The following CACNA1E variants were observed in gnomAD, a reference collection of about 807,000 sequenced individuals.
CACNA1E encodes the protein voltage-dependent R-type calcium channel subunit alpha-1E.
A neutral mutation model predicts 259.2 loss-of-function variants in CACNA1E; 40 were observed. The ratio of observed to expected loss-of-function variants is 0.15; its 90% CI spans 0.12 to 0.20. CACNA1E has a LOEUF of 0.20. Among genes scored for constraint, CACNA1E ranks in the 10% least tolerant of loss-of-function variants. The probability of loss-of-function intolerance (pLI) is 1.00; values close to 1 mark genes in which losing one functional copy is unlikely to be tolerated. For synonymous variants in CACNA1E, 1,104 were observed against 1,138.5 expected (o/e 0.97, Z 0.61); for missense variants, 1,874 against 3,040.1 (o/e 0.62, Z 9.02).
intron 2 of CACNA1E, among the ~76,000 whole-genome samples, chr1:181,475,254 C>G (rs1662767272): frequency 6.6e-6 from 1 of 152,238 alleles, no homozygotes; most frequent in South Asian, 2.1e-4. Flanking sequence ...ATGTCCTCTA[C>G]TCCTGAGAAG....
In CACNA1E at chr1:181,345,195, G is replaced by A. The variant is rs562866897; in HGVS notation, c.-15+27072G>A. 2.0e-5 allele frequency among the ~76,000 whole-genome samples: 3 copies of A among 152,374 alleles called. No homozygotes were observed. In the East Asian group the frequency reaches 5.8e-4, roughly 29 times the overall value. ...CTGCTCCTTGGAAGGCAAAGCCAGG[G>A]AGAAGCAGCTTTGCAGGGTGAGCCG... On this transcript the variant is annotated intron_variant, in intron 1 of 11. Coordinates refer to the CACNA1E transcript ENST00000524607.
At chr1:181,426,510 T>A (rs78159525) in intron 2 of CACNA1E, among the ~76,000 whole-genome samples, 1 of 128,854 alleles carries the variant, frequency 7.8e-6, no homozygotes, top group Non-Finnish European at 1.6e-5. Flanking sequence ...AACCCCTTCC[T>A]GTCTCAACCC....
rs1365950190 is a variant in CACNA1E, at chr1:181,727,068, C to T, written c.2240+906C>T. 2.6e-5 allele frequency among the ~76,000 whole-genome samples: 4 copies of T among 152,174 alleles called. No individual in the cohort carries two copies. The South Asian group carries it at 6.2e-4, about 24-fold the overall frequency. ...GAAATCTAAAGTTCATTTTGAGATACTTCTAAGGCATCCAAGTATTGAACT... is the reference window on the plus strand; with the variant it reads ...GAAATCTAAAGTTCATTTTGAGATATTTCTAAGGCATCCAAGTATTGAACT... On this transcript the variant is annotated intron_variant, in intron 18 of 47. Transcript: ENST00000367573.
intron 7 of CACNA1E, among the ~76,000 whole-genome samples, chr1:181,705,487 C>T (rs1032172491): frequency 1.6e-4 from 25 of 152,342 alleles, no homozygotes; most frequent in African/African-American, 5.8e-4. Flanking sequence ...TCTTAGTTTC[C>T]ATGACTGAAA....
At chr1:181,336,869 T>C (rs1194672975) in intron 1 of CACNA1E, among the ~76,000 whole-genome samples, 1 of 151,928 alleles carries the variant, frequency 6.6e-6, no homozygotes, top group Non-Finnish European at 1.5e-5. Flanking sequence ...AATGTCTTTT[T>C]TTCTTAAAGT....
At chr1:181,598,481 A>G (rs1471168496) in intron 6 of CACNA1E, among the ~76,000 whole-genome samples, 1 of 152,128 alleles carries the variant, frequency 6.6e-6, no homozygotes, top group Non-Finnish European at 1.5e-5. Context: ...TGGTGGAGGT[A>G]TGACATTTGT....
chr1:181,670,908 T>C (rs1648726028), intron 7 of CACNA1E, among the ~76,000 whole-genome samples: 1 of 152,244 alleles, frequency 6.6e-6, no homozygotes, highest in African/African-American at 2.4e-5. Flanking sequence ...GAGCAATTAA[T>C]ACCTTAGTGA....
chr1:181,325,337 G>A (rs577327903), intron 1 of CACNA1E, among the ~76,000 whole-genome samples: 34 of 152,244 alleles, frequency 2.2e-4, no homozygotes, highest in African/African-American at 5.8e-4. Flanking sequence ...CAGACCTCAC[G>A]GCCCTTCCCC....
chr1:181,532,857 CT>C (rs1222328454), intron 3 of CACNA1E, among the ~76,000 whole-genome samples: 2 of 152,192 alleles, frequency 1.3e-5, no homozygotes, highest in Admixed American at 1.3e-4. Context: ...TGTCTATCTC[CT>C]TTACTGGAGA....
chr1:181,627,875 A>C (rs1656344737), intron 6 of CACNA1E, among the ~76,000 whole-genome samples: 1 of 152,086 alleles, frequency 6.6e-6, no homozygotes, highest in Admixed American at 6.5e-5. Context: ...ACCCCATGTT[A>C]TTGGCATTTA....
chr1:181,535,976 C>T (rs1668142443), intron 3 of CACNA1E, among the ~76,000 whole-genome samples: 1 of 152,182 alleles, frequency 6.6e-6, no homozygotes, highest in Admixed American at 6.5e-5. Context: ...CATGAGCCAC[C>T]ATGCCTGGCC....
rs1292362458 is a variant in CACNA1E at position 181,806,370 on chromosome 1, T to C, written c.*7536T>C. 8 of 152,280 alleles carry C rather than the reference T, an allele frequency of 5.3e-5. No individual in the cohort carries two copies. The highest frequency in any genetic ancestry group is 1.5e-5 in the Non-Finnish European group (1 of 68,082). 9.4% of individuals were successfully genotyped at this position (152,280 alleles called of 1,614,324 possible). On this transcript the variant is annotated 3_prime_UTR_variant, in exon 48 of 48. Transcript: ENST00000367573. ...CACACCCTCTGTCCTTCGGGGCCCA[T>C]GGTCAGGCCATTCCCTCTTTGTTTT...
At chr1:181,720,913 G>C in intron 15 of CACNA1E, 58 bp downstream of exon 15, 1 of 1,054,900 alleles carries the variant, frequency 9.5e-7, no homozygotes, top group Non-Finnish European at 1.5e-6. Context: ...ACTGCACACT[G>C]CAAGACAAGG....
At chr1:181,438,219 C>G (rs2609472) in intron 2 of CACNA1E, among the ~76,000 whole-genome samples, 11,577 of 152,272 alleles carry the variant, frequency 0.076, 781 homozygotes, top group African/African-American at 0.18. Flanking sequence ...TGCACGGCCA[C>G]TTCCACCCAC....
rs74127772 is a variant in CACNA1E, at chr1:181,383,377, A to T, written c.-14-29756A>T. 2.8e-3 allele frequency among the ~76,000 whole-genome samples: 424 copies of T among 152,358 alleles called. 2 individuals are homozygous for T. The highest frequency in any genetic ancestry group is 9.9e-3 in the African/African-American group (412 of 41,586). The stretch of plus-strand genomic sequence containing the variant: ...ACAGAAAAATTAGAAGGGAGCTAAG[A>T]TTCCCTGGTGAATGCTGATTCATTT... On this transcript the variant is annotated intron_variant, in intron 1 of 11. Coordinates refer to the CACNA1E transcript ENST00000524607.
At position 181,363,447 on chromosome 1, in the gene CACNA1E, C is replaced by T. The variant is rs530458358; in HGVS notation, c.-15+45324C>T. On this transcript the variant is annotated intron_variant, in intron 1 of 11. Coordinates refer to the CACNA1E transcript ENST00000524607. ...AGGTCATATCCCTAAATGCAGACCT[C>T]GAAATAAAGATTGATATGCAAATGA... is the stretch of plus-strand genomic sequence containing the variant. Among the ~76,000 whole-genome samples, 1,014 of 152,120 alleles carry T rather than the reference C, an allele frequency of 6.7e-3. 8 individuals are homozygous for T. Among genetic ancestry groups the T allele is most frequent in the South Asian group, 0.02 (98 of 4,820 alleles).
At chr1:181,694,200 G>A (rs1651479046) in intron 7 of CACNA1E, among the ~76,000 whole-genome samples, 1 of 152,166 alleles carries the variant, frequency 6.6e-6, no homozygotes, top group East Asian at 1.9e-4. Context: ...TGTTGATTTA[G>A]CATTTGAAAA....
At chr1:181,477,068 AT>A (rs1467059993) in intron 2 of CACNA1E, among the ~76,000 whole-genome samples, 1 of 152,160 alleles carries the variant, frequency 6.6e-6, no homozygotes, top group Admixed American at 6.5e-5. Context: ...TGGTAATGCT[AT>A]AATCTTCGTG....
At chr1:181,663,557 A>G (rs938213018) in intron 7 of CACNA1E, among the ~76,000 whole-genome samples, 2 of 152,258 alleles carry the variant, frequency 1.3e-5, no homozygotes, top group Non-Finnish European at 2.9e-5. Flanking sequence ...ACCGAGTAAC[A>G]TCAGGACCCT....
Sources: gnomAD v4.1 joint callset for allele counts (sites outside exome capture counted in the v4.1 genomes callset) on GRCh38, gnomAD v4.1.1 for gene constraint, MANE v1.5 for transcripts, NCBI Gene and HGNC (gene_info 2026-07-23, HGNC 2026-07-21) for gene names.